Variants in PCDH18 observed in about 807,000 individuals in gnomAD.
PCDH18 encodes protocadherin-18.
PCDH18 carries 38 observed loss-of-function variants against 71.5 expected under a neutral mutation model. The ratio of observed to expected loss-of-function variants is 0.53; its 90% CI spans 0.41 to 0.70. The LOEUF (loss-of-function observed/expected upper bound fraction) is 0.70, where lower values mean the gene tolerates loss of function less well. Among genes scored for constraint, PCDH18 ranks in the 30% least tolerant of loss-of-function variants. The pLI is 0.00. For missense variants in PCDH18, 1,334 were observed against 1,384.6 expected (o/e 0.96, Z 0.58); for synonymous variants, 565 against 505.4 (o/e 1.12, Z -1.58).
At position 137,530,321 on chromosome 4, in the gene PCDH18, T is replaced by C. The variant is rs764774230; in HGVS notation, c.1768A>G (p.Ile590Val). The C allele has an allele frequency of 6.2e-7, 1 of 1,613,498 alleles. No homozygotes were observed. ...AAGCCACTTTCAGCCCCTTTGGGAA[T>C]GGTGATTTCTGCCGTATTATTACGC... Reference protein sequence around the residue: ...ALRNNTAEITIPKGAESGFHV... With the variant: ...ALRNNTAEITVPKGAESGFHV... Residue 590 changes from isoleucine to valine, a missense_variant, in exon 1 of 4, where the codon ATT becomes GTT. Coordinates refer to ENST00000344876, the MANE Select transcript of PCDH18 (RefSeq NM_019035.5).
rs1334547504 is a variant in PCDH18, at chr4:137,528,796, G to A, written c.2512C>T (p.Leu838Phe). 6.2e-7 allele frequency: 1 copy of A among 1,613,272 alleles called. No individual in the cohort carries two copies. Among genetic ancestry groups the A allele is most frequent in the Non-Finnish European group, 8.5e-7 (1 of 1,179,544 alleles). ...VEQVSQLLSM[L>F]HQGQYQPRPS... ...CTTGGCTGATATTGCCCCTGGTGAAGCATTGAAAGAAGCTGAGAGACCTGC... is the reference window on the plus strand; with the variant it reads ...CTTGGCTGATATTGCCCCTGGTGAAACATTGAAAGAAGCTGAGAGACCTGC... Residue 838 changes from leucine to phenylalanine, a missense_variant, in exon 2 of 4, where the codon CTT becomes TTT. Leu to Phe is a conservative substitution (Grantham distance 22). Around this residue, in one of 3 missense-constraint regions of PCDH18, gnomAD observed 1,011 missense variants for 1,048.0 expected, o/e 0.96. Coordinates refer to ENST00000344876, the MANE Select transcript of PCDH18 (RefSeq NM_019035.5).
At position 137,530,421 on chromosome 4, in the gene PCDH18, C is replaced by T. The variant is rs756723377; in HGVS notation, c.1668G>A (p.Leu556=). 9 of 1,614,118 alleles carry T rather than the reference C, an allele frequency of 5.6e-6. No homozygotes were observed. In the South Asian group the frequency reaches 8.8e-5, roughly 16 times the overall value. The change falls in exon 1 of 4, where the codon CTG becomes CTA. Residue 556 remains leucine, a synonymous_variant. Transcript: ENST00000344876. ...TGAGCACAACTGTGGTATTGCTTACCAGTTGCTTCGGGCTTCCTCCATCTC... is the reference window on the plus strand; with the variant it reads ...TGAGCACAACTGTGGTATTGCTTACTAGTTGCTTCGGGCTTCCTCCATCTC... ...EARDGGSPKQ[L]VSNTTVVLTI...
chr4:137,527,909 T>G (rs1731526655), intron 3 of PCDH18, among the ~76,000 whole-genome samples: 1 of 152,198 alleles, frequency 6.6e-6, no homozygotes, highest in Non-Finnish European at 1.5e-5. Context: ...CCTCTTCTAC[T>G]ATAGCAAAAT....
rs749572530 is a variant in PCDH18, at chr4:137,530,274, T to G, written c.1815A>C (p.Ala605=). Residue 605 remains alanine (A), a synonymous_variant, in exon 1 of 4, where the codon GCA becomes GCC. Coordinates refer to ENST00000344876, the MANE Select transcript of PCDH18 (RefSeq NM_019035.5). The part of the protein sequence containing the change: ...ESGFHVTRIR[A]IDRDSGVNAE... ...CATTCACACCAGAGTCTCTGTCAAT[T>G]GCCCTTATTCTTGTGACATGAAAGC... The G allele has an allele frequency of 6.2e-7, 1 of 1,614,064 alleles. No individual in the cohort carries two copies. Among genetic ancestry groups the G allele is most frequent in the Non-Finnish European group, 8.5e-7 (1 of 1,179,984 alleles).
rs544777252 is a variant in PCDH18 at position 137,528,829 on chromosome 4, C to A, written c.2488-9G>T. 6.9e-6 allele frequency: 11 copies of A among 1,592,020 alleles called. 1 individual carries two copies. The highest frequency in any genetic ancestry group is 2.2e-5 in the South Asian group (2 of 90,678). ...AGAAGCTGAGAGACCTGCTGGAAAC[C>A]AAATAGACAGAACTGATTCCCGGAA... On this transcript the variant is annotated splice_polypyrimidine_tract_variant and intron_variant, in intron 1 of 3. Coordinates refer to ENST00000344876, the MANE Select transcript of PCDH18 (RefSeq NM_019035.5).
In PCDH18 at chr4:137,529,797, G is replaced by C; in HGVS notation, c.2292C>G (p.Thr764=). ...ATCTGATGGGCAGAGTGCCATTTAT[G>C]GTAGGCACCAATGTGATGTCCCCTT... is the stretch of plus-strand genomic sequence containing the variant. ...IHKGDITLVP[T]INGTLPIRSH... The change falls in exon 1 of 4, where the codon ACC becomes ACG. Residue 764 remains threonine, a synonymous_variant. Transcript: ENST00000344876. The C allele has an allele frequency of 6.2e-7, 1 of 1,612,896 alleles. No homozygotes were observed. The highest frequency in any genetic ancestry group is 8.5e-7 in the Non-Finnish European group (1 of 1,179,256).
In PCDH18 at chr4:137,530,426, G is replaced by T. The variant is rs924544850; in HGVS notation, c.1663C>A (p.Gln555Lys). ...ACAACTGTGGTATTGCTTACCAGTTGCTTCGGGCTTCCTCCATCTCTTGCT... is the reference window on the plus strand; with the variant it reads ...ACAACTGTGGTATTGCTTACCAGTTTCTTCGGGCTTCCTCCATCTCTTGCT... ...VEARDGGSPK[Q>K]LVSNTTVVLT... The change falls in exon 1 of 4, where the codon CAA becomes AAA. Residue 555 changes from glutamine to lysine, a missense_variant. Physicochemically the swap from Gln to Lys is moderately conservative, Grantham distance 53. Transcript: ENST00000344876. The T allele has an allele frequency of 4.3e-6, 7 of 1,613,928 alleles. No homozygotes were observed. In the South Asian group the frequency reaches 7.7e-5, roughly 18 times the overall value.
chr4:137,525,089 C>T (rs1182087380), intron 3 of PCDH18, among the ~76,000 whole-genome samples: 2 of 152,178 alleles, frequency 1.3e-5, no homozygotes, highest in Non-Finnish European at 2.9e-5. Context: ...CAAAATCAAA[C>T]GGCTGTATAA....
Position 137,530,938 on chromosome 4 carries a change from A to G in PCDH18, c.1151T>C (p.Val384Ala), listed in dbSNP as rs1335650197. 1 of 1,613,676 alleles carries G rather than the reference A, an allele frequency of 6.2e-7. No individual in the cohort carries two copies. The highest frequency in any genetic ancestry group is 8.5e-7 in the Non-Finnish European group (1 of 1,179,876). ...PIDTFVALVRVQDKDSGLNGE... is the reference protein window; with the variant it reads ...PIDTFVALVRAQDKDSGLNGE... ...ATTCAGCCCAGAATCCTTGTCCTGA[A>G]CTCTGACCAAAGCAACAAATGTATC... Residue 384 changes from valine (V) to alanine (A), a missense_variant, in exon 1 of 4, where the codon GTT (valine) becomes GCT (alanine). Transcript: ENST00000344876.
At chr4:137,523,069 G>T (rs1731346979) in intron 3 of PCDH18, among the ~76,000 whole-genome samples, 1 of 151,934 alleles carries the variant, frequency 6.6e-6, no homozygotes, top group Non-Finnish European at 1.5e-5. Context: ...GATAATTTGA[G>T]GAATAAAATG....
chr4:137,521,527 G>GTCA lies in PCDH18; in HGVS notation c.2907_2909dup (p.Asp970dup). The GTCA allele has an allele frequency of 6.2e-7, 1 of 1,614,116 alleles. No individual in the cohort carries two copies. Among genetic ancestry groups the GTCA allele is most frequent in the Middle Eastern group, 1.7e-4 (1 of 6,058 alleles). On this transcript the variant is annotated inframe_insertion, in exon 4 of 4. Coordinates refer to ENST00000344876, the MANE Select transcript of PCDH18 (RefSeq NM_019035.5). Reference sequence around the variant, plus strand: ...TTTCACCGGAATCTGCAGGCTGAGCGTCATCCTCAAGACTCTGATGTGGAT... The same window carrying GTCA: ...TTTCACCGGAATCTGCAGGCTGAGCGTCATCATCCTCAAGACTCTGATGTGGAT...
intron 3 of PCDH18, among the ~76,000 whole-genome samples, chr4:137,524,882 G>A (rs1351314388): frequency 2.0e-5 from 3 of 152,160 alleles, no homozygotes; most frequent in Non-Finnish European, 2.9e-5. Context: ...CTACTAGACA[G>A]TGAATATCAG....
Position 137,532,459 on chromosome 4 carries a change from T to C in PCDH18, c.-371A>G. ...TCCCTTTAGCTGCTCGGCTGCAGAC[T>C]AAACACCCGTGATTGCTGACTCCAG... On this transcript the variant is annotated 5_prime_UTR_variant, in exon 1 of 4. Transcript: ENST00000344876. 2.0e-5 allele frequency: 13 copies of C among 643,848 alleles called. 1 individual carries two copies. In the South Asian group the frequency reaches 2.2e-4, roughly 11 times the overall value. 39.9% of individuals were successfully genotyped at this position (643,848 alleles called of 1,614,324 possible). A position where few individuals can be genotyped will look rare whatever the true frequency, so the allele number is the denominator to read the frequency against.
intron 1 of PCDH18, 23 bp downstream of exon 1, chr4:137,529,579 A>G (rs1731585654): frequency 1.3e-6 from 2 of 1,514,190 alleles, no homozygotes; most frequent in African/African-American, 2.8e-5. Flanking sequence ...ATTGCAATGA[A>G]TTGATGCGGT....
chr4:137,531,340 G>C lies in PCDH18; in HGVS notation c.749C>G (p.Ser250Cys). 6.2e-7 allele frequency: 1 copy of C among 1,613,930 alleles called. No individual in the cohort carries two copies. Among genetic ancestry groups the C allele is most frequent in the South Asian group, 1.1e-5 (1 of 91,078 alleles). Residue 250 changes from serine (S) to cysteine (C), a missense_variant, in exon 1 of 4, where the codon TCT becomes TGT. Transcript: ENST00000344876. ...GTTTTCTAAGAGTTGTATTATATAA[G>C]ATTGCTGCTCAAAAGCAGGGCTGTT... ...NDNSPAFEQQSYIIQLLENSP... is the reference protein window; with the variant it reads ...NDNSPAFEQQCYIIQLLENSP...
chr4:137,521,204 C>A lies in PCDH18; in HGVS notation c.3233G>T (p.Ser1078Ile), dbSNP rs750933180. The A allele has an allele frequency of 6.2e-7, 1 of 1,614,138 alleles. No individual in the cohort carries two copies. Among genetic ancestry groups the A allele is most frequent in the Non-Finnish European group, 8.5e-7 (1 of 1,179,978 alleles). The change falls in exon 4 of 4, where the codon AGT (serine) becomes ATT (isoleucine). Residue 1078 changes from serine (S) to isoleucine (I), a missense_variant. Ser to Ile is a moderately radical substitution (Grantham distance 142, BLOSUM62 -2). Around this residue, in one of 3 missense-constraint regions of PCDH18, gnomAD observed 319 missense variants for 316.3 expected, o/e 1.01. Transcript: ENST00000344876. ...NCGPPLGTHS[S>I]VQPSSKWLPA... ...CAGCCATTTTGAAGAAGGCTGCACACTGGAGTGAGTTCCAAGTGGCGGCCC... is the reference window on the plus strand; with the variant it reads ...CAGCCATTTTGAAGAAGGCTGCACAATGGAGTGAGTTCCAAGTGGCGGCCC...
At chr4:137,522,731 T>G (rs1368028954) in intron 3 of PCDH18, among the ~76,000 whole-genome samples, 2 of 152,162 alleles carry the variant, frequency 1.3e-5, no homozygotes, top group Non-Finnish European at 2.9e-5. Flanking sequence ...CCATCTACTT[T>G]AGGAAGATTC....
chr4:137,528,686 A>C, intron 2 of PCDH18, 45 bp from the exon 3 acceptor site: 1 of 1,608,478 alleles, frequency 6.2e-7, no homozygotes. Flanking sequence ...TTTACTCTTC[A>C]GCATTTATGT....
Position 137,528,487 on chromosome 4 carries a change from T to A in PCDH18, c.2731A>T (p.Ile911Phe). Reference protein sequence around the residue: ...FSDLFLTDGRIPAAMRLCTEE... With the variant: ...FSDLFLTDGRFPAAMRLCTEE... ...ATCACTACCCTCTTACCTGCTGGAA[T>A]TCTTCCATCTGTGAGAAACAGGTCG... Residue 911 changes from isoleucine (I) to phenylalanine (F), a missense_variant, in exon 3 of 4, where the codon ATT becomes TTT. Transcript: ENST00000344876. 1 of 1,613,742 alleles carries A rather than the reference T, an allele frequency of 6.2e-7. No homozygotes were observed. Among genetic ancestry groups the A allele is most frequent in the Non-Finnish European group, 8.5e-7 (1 of 1,179,744 alleles).
Sources: allele counts gnomAD v4.1 joint callset (sites outside exome capture counted in the v4.1 genomes callset), GRCh38; gene constraint gnomAD v4.1.1; regional missense constraint gnomAD v4.1.1; transcripts MANE v1.5; gene names NCBI Gene and HGNC (gene_info 2026-07-23, HGNC 2026-07-21).